Variants in SIPA1L2 observed in about 807,000 individuals in gnomAD.
SIPA1L2 encodes signal induced proliferation associated 1 like 2.
Under a neutral mutation model 163.9 loss-of-function variants are expected in SIPA1L2, and 56 were observed. The observed-to-expected ratio is 0.34, with a 90% CI of 0.28 to 0.43. The LOEUF (loss-of-function observed/expected upper bound fraction) is 0.43. SIPA1L2 is among the 20% of genes least tolerant of loss of function. The pLI is 1.00. For synonymous variants in SIPA1L2, 877 were observed against 865.7 expected, an observed-to-expected ratio of 1.01 and a Z score of -0.23; for missense variants, 1,974 against 2,193.5, an observed-to-expected ratio of 0.90 and a Z score of 2.00.
chr1:232,477,282 G>A (rs886799336), intron 7 of SIPA1L2, among the ~76,000 whole-genome samples: 5 of 152,032 alleles, frequency 3.3e-5, no homozygotes, highest in Admixed American at 3.3e-4. Flanking sequence ...ATGCAAATTA[G>A]GTCATCCAAA....
intron 21 of SIPA1L2, 82 bp downstream of exon 21, chr1:232,403,366 G>A: frequency 1.3e-6 from 2 of 1,541,170 alleles, no homozygotes; most frequent in Middle Eastern, 3.6e-4. Context: ...CGCCCGCCTG[G>A]CTCAGGGTTA....
Position 232,460,957 on chromosome 1 carries a change from C to G in SIPA1L2, c.3025G>C (p.Asp1009His), listed in dbSNP as rs770305967. Residue 1009 changes from aspartate (D) to histidine (H), a missense_variant, in exon 10 of 23, where the codon GAC becomes CAC. By Grantham distance (81) the Asp-to-His change is moderately conservative (BLOSUM62 -1). Transcript: ENST00000674635. ...VATLTHEQMI[D>H]LLRTSVTVKV... ...ACAGTCACAGAAGTACGGAGCAGGTCGATCATCTGCTCGTGGGTCAGAGTG... is the reference window on the plus strand; with the variant it reads ...ACAGTCACAGAAGTACGGAGCAGGTGGATCATCTGCTCGTGGGTCAGAGTG... The G allele has an allele frequency of 1.2e-6, 2 of 1,614,262 alleles. No homozygotes were observed. Among genetic ancestry groups the G allele is most frequent in the East Asian group, 2.2e-5 (1 of 44,886 alleles).
At chr1:232,570,924 T>G (rs1382472427) in intron 2 of SIPA1L2, among the ~76,000 whole-genome samples, 2 of 138,340 alleles carry the variant, frequency 1.4e-5, no homozygotes, top group Non-Finnish European at 3.1e-5. Context: ...TCTCTTAGCA[T>G]GAGAATCAGG....
intron 16 of SIPA1L2, 55 bp from the exon 17 acceptor site, chr1:232,428,619 G>GT: frequency 2.2e-6 from 3 of 1,361,836 alleles, no homozygotes; most frequent in Middle Eastern, 2.0e-4. Context: ...GCCTGTAGTG[G>GT]TAAGAATTAA....
At chr1:232,582,952 C>CT (rs771310912) in intron 1 of SIPA1L2, among the ~76,000 whole-genome samples, 14 of 152,306 alleles carry the variant, frequency 9.2e-5, no homozygotes, top group Non-Finnish European at 2.1e-4. Flanking sequence ...TACATCCCTG[C>CT]TAAATTCAAG....
chr1:232,400,530 G>C (rs1660276690), intron 22 of SIPA1L2, among the ~76,000 whole-genome samples: 1 of 151,242 alleles, frequency 6.6e-6, no homozygotes, highest in African/African-American at 2.4e-5. Context: ...CTATTGTTCA[G>C]GCCAGATCTC....
intron 2 of SIPA1L2, among the ~76,000 whole-genome samples, chr1:232,552,530 C>T (rs2103138995): frequency 6.6e-6 from 1 of 151,944 alleles, no homozygotes; most frequent in East Asian, 2.0e-4. Flanking sequence ...GCCATCACAT[C>T]GGGTTAATTT....
At chr1:232,523,067 C>T (rs1054753999) in intron 2 of SIPA1L2, among the ~76,000 whole-genome samples, 9 of 152,234 alleles carry the variant, frequency 5.9e-5, no homozygotes, top group East Asian at 3.8e-4. Flanking sequence ...CCAACTACAA[C>T]TTACATTTGA....
intron 1 of SIPA1L2, among the ~76,000 whole-genome samples, chr1:232,599,829 T>C (rs1661500178): frequency 6.6e-6 from 1 of 152,272 alleles, no homozygotes; most frequent in African/African-American, 2.4e-5. Context: ...CTGTCTGCTC[T>C]GCAGAAGTGC....
intron 2 of SIPA1L2, among the ~76,000 whole-genome samples, chr1:232,541,907 G>T (rs1386423150): frequency 6.8e-6 from 1 of 146,072 alleles, no homozygotes; most frequent in African/African-American, 2.6e-5. Context: ...GGCAGGGAAA[G>T]AATGTTAAAT....
At chr1:232,418,475 C>G (rs1661388238) in intron 18 of SIPA1L2, among the ~76,000 whole-genome samples, 1 of 152,216 alleles carries the variant, frequency 6.6e-6, no homozygotes, top group Admixed American at 6.5e-5. Context: ...TGCCAAGGCA[C>G]AAACATGAAT....
At chr1:232,400,244 C>A (rs949645302) in intron 22 of SIPA1L2, among the ~76,000 whole-genome samples, 1 of 152,158 alleles carries the variant, frequency 6.6e-6, no homozygotes, top group African/African-American at 2.4e-5. Context: ...TACTGACTCT[C>A]CCCGGACATT....
intron 2 of SIPA1L2, among the ~76,000 whole-genome samples, chr1:232,531,867 A>G (rs2103085326): frequency 6.6e-6 from 1 of 152,310 alleles, no homozygotes; most frequent in African/African-American, 2.4e-5. Flanking sequence ...ATAGAAAGGA[A>G]GGGAGAGGGA....
intron 1 of SIPA1L2, among the ~76,000 whole-genome samples, chr1:232,593,843 C>T (rs6672466): frequency 0.62 from 94,241 of 152,126 alleles, 29,810 homozygotes; most frequent in East Asian, 0.92. Flanking sequence ...ATGGTTGTAC[C>T]GCCCTCACCT....
chr1:232,425,328 G>T (rs1661825342), intron 18 of SIPA1L2, among the ~76,000 whole-genome samples: 1 of 151,910 alleles, frequency 6.6e-6, no homozygotes, highest in African/African-American at 2.4e-5. Context: ...ATATGATGCA[G>T]AAGTCACTAT....
At chr1:232,556,480 G>T (rs1353509603) in intron 2 of SIPA1L2, among the ~76,000 whole-genome samples, 1 of 152,144 alleles carries the variant, frequency 6.6e-6, no homozygotes, top group Non-Finnish European at 1.5e-5. Flanking sequence ...CTCTGATGCT[G>T]CACAGACAAG....
rs138827200 is a variant in SIPA1L2 at position 232,430,051 on chromosome 1, C to T, written c.4257-1487G>A. On this transcript the variant is annotated intron_variant, in intron 16 of 22. Coordinates refer to ENST00000674635, the MANE Select transcript of SIPA1L2 (RefSeq NM_020808.5). ...GTAATTTAAAGAAATTATCCAATGA[C>T]GTGTCATAAATACGCTCTGAGGATT... Among the ~76,000 whole-genome samples the T allele has an allele frequency of 5.2e-3, 798 of 152,308 alleles. 8 individuals are homozygous for T. The highest frequency in any genetic ancestry group is 0.017 in the African/African-American group (722 of 41,560).
intron 7 of SIPA1L2, among the ~76,000 whole-genome samples, chr1:232,479,341 C>T (rs1052642705): frequency 1.3e-5 from 2 of 152,158 alleles, no homozygotes; most frequent in Non-Finnish European, 2.9e-5. Flanking sequence ...TTGGCCTTTT[C>T]GTAATTAACA....
intron 2 of SIPA1L2, among the ~76,000 whole-genome samples, chr1:232,551,211 C>CA (rs1658362308): frequency 1.3e-5 from 2 of 151,994 alleles, no homozygotes; most frequent in South Asian, 2.1e-4. Context: ...ACTCCAAAAC[C>CA]AAAAAACAAA....
Sources: gnomAD v4.1 joint callset for allele counts (sites outside exome capture counted in the v4.1 genomes callset) on GRCh38, gnomAD v4.1.1 for gene constraint, MANE v1.5 for transcripts, NCBI Gene and HGNC (gene_info 2026-07-23, HGNC 2026-07-21) for gene names.